BORA: variants seen among roughly 807,000 people sequenced by gnomAD.
BORA encodes the protein BORA aurora kinase A activator.
BORA carries 26 observed loss-of-function variants against 55.8 expected under a neutral mutation model. That is an observed-to-expected ratio of 0.47 (90% confidence interval 0.34 to 0.65). BORA has a LOEUF of 0.65. Among genes scored for constraint, BORA ranks in the 30% least tolerant of loss-of-function variants. BORA has a pLI of 0.01. For missense variants in BORA, 568 were observed against 671.5 expected (o/e 0.85, Z 1.70); for synonymous variants, 201 against 216.9 (o/e 0.93, Z 0.64).
intron 11 of BORA, 127 bp from the exon 12 acceptor site, chr13:72,755,024 A>G: frequency 7.1e-6 from 5 of 700,034 alleles, no homozygotes; most frequent in Non-Finnish European, 1.2e-5. Flanking sequence ...AAAATACTGT[A>G]TCTTTACTGT....
chr13:72,741,425 T>C (rs1268571229), intron 5 of BORA, among the ~76,000 whole-genome samples: 1 of 152,250 alleles, frequency 6.6e-6, no homozygotes, highest in African/African-American at 2.4e-5. Context: ...AATGTCTATT[T>C]GTAATTCATT....
At chr13:72,733,549 C>T (rs1011082873) in intron 3 of BORA, among the ~76,000 whole-genome samples, 2 of 152,214 alleles carry the variant, frequency 1.3e-5, no homozygotes, top group East Asian at 1.9e-4. Context: ...TCTTGAAGTC[C>T]CTCTGATGAA....
intron 8 of BORA, among the ~76,000 whole-genome samples, chr13:72,745,726 A>C (rs1309399043): frequency 6.6e-6 from 1 of 152,194 alleles, no homozygotes; most frequent in Non-Finnish European, 1.5e-5. Context: ...GGTTTGTTCA[A>C]ATACAATGTG....
intron 6 of BORA, 37 bp from the exon 7 acceptor site, chr13:72,744,468 C>T: frequency 6.4e-7 from 1 of 1,555,656 alleles, no homozygotes; most frequent in Non-Finnish European, 8.9e-7. Context: ...TGATTTATCC[C>T]ATGTTTGAAT....
chr13:72,741,243 C>G (rs1305315701), intron 5 of BORA, among the ~76,000 whole-genome samples: 1 of 152,224 alleles, frequency 6.6e-6, no homozygotes, highest in African/African-American at 2.4e-5. Context: ...TCTGCACAGT[C>G]TGCACAGCCC....
chr13:72,742,788 ACACACACAC>A (rs2033061877), intron 5 of BORA, among the ~76,000 whole-genome samples: 1 of 144,968 alleles, frequency 6.9e-6, no homozygotes, highest in East Asian at 1.9e-4. Flanking sequence ...ACACACACAC[ACACACACAC>A]ACACACACAC....
intron 10 of BORA, among the ~76,000 whole-genome samples, chr13:72,748,236 G>C (rs1330116728): frequency 6.6e-6 from 1 of 152,222 alleles, no homozygotes; most frequent in Non-Finnish European, 1.5e-5. Flanking sequence ...CTGAGGGTCA[G>C]AGAGGTTAAG....
Position 72,745,083 on chromosome 13 carries a change from C to T in BORA, c.614C>T (p.Ser205Phe). ...KLFLDGNGSI[S>F]DSLPSASPGS... is the part of the protein sequence containing the mutation. ...TTTTTAGATGGGAACGGAAGCATCTCCGACTCCTTACCTTCGGCTTCTCCC... is the reference window on the plus strand; with the variant it reads ...TTTTTAGATGGGAACGGAAGCATCTTCGACTCCTTACCTTCGGCTTCTCCC... Residue 205 changes from serine (S) to phenylalanine (F), a missense_variant, in exon 8 of 12, where the codon TCC becomes TTC. Transcript: ENST00000390667. 1 of 1,614,122 alleles carries T rather than the reference C, an allele frequency of 6.2e-7. No homozygotes were observed. Among genetic ancestry groups the T allele is most frequent in the Non-Finnish European group, 8.5e-7 (1 of 1,179,990 alleles).
At chr13:72,732,326 T>C (rs1566219242) in intron 3 of BORA, among the ~76,000 whole-genome samples, 1 of 152,104 alleles carries the variant, frequency 6.6e-6, no homozygotes, top group Non-Finnish European at 1.5e-5. Context: ...AGAGTGTTAA[T>C]AGGAAGGGAA....
Position 72,731,366 on chromosome 13 carries a change from C to G in BORA, c.239C>G (p.Ala80Gly). 6.2e-7 allele frequency: 1 copy of G among 1,609,418 alleles called. No homozygotes were observed. The highest frequency in any genetic ancestry group is 8.5e-7 in the Non-Finnish European group (1 of 1,176,454). ...GACCCAGAAGATATTCATCGTCAAG[C>G]TTTATACTTAAGTCATTCTCGGTAA... ...EIDPEDIHRQ[A>G]LYLSHSRIDK... The change falls in exon 3 of 12, where the codon GCT becomes GGT. Residue 80 changes from alanine (A) to glycine (G), a missense_variant. Transcript: ENST00000390667.
In BORA at chr13:72,738,001, G is replaced by C; in HGVS notation, c.346G>C (p.Asp116His). 6.2e-7 allele frequency: 1 copy of C among 1,601,370 alleles called. No homozygotes were observed. Among genetic ancestry groups the C allele is most frequent in the Non-Finnish European group, 8.5e-7 (1 of 1,172,102 alleles). The change falls in exon 5 of 12, where the codon GAT becomes CAT. Residue 116 changes from aspartate (D) to histidine (H), a missense_variant. Coordinates refer to ENST00000390667, the MANE Select transcript of BORA (RefSeq NM_024808.5). ...KDVIVPSPWT[D>H]HEGKQLSQCH... ...TGTCATCGTACCCTCTCCTTGGACT[G>C]ATCATGAAGGGAAACAGCTTTCACA...
chr13:72,752,600 A>T (rs1160444311), intron 10 of BORA: 1 of 152,230 alleles, frequency 6.6e-6, no homozygotes, highest in Non-Finnish European at 1.5e-5. Context: ...CTCTGGGAGC[A>T]ATCTGACATT....
chr13:72,735,598 G>GTTA (rs895518741), intron 4 of BORA, among the ~76,000 whole-genome samples: 4 of 151,794 alleles, frequency 2.6e-5, no homozygotes, highest in Non-Finnish European at 5.9e-5. Flanking sequence ...TCTAAATAAG[G>GTTA]TTATTATTAT....
At chr13:72,728,513 C>T (rs1043530150) in intron 1 of BORA, among the ~76,000 whole-genome samples, 2 of 151,932 alleles carry the variant, frequency 1.3e-5, no homozygotes, top group African/African-American at 4.8e-5. Context: ...ATAGGGTATC[C>T]GAAGAATGTT....
At chr13:72,739,342 C>G (rs1414888204) in intron 5 of BORA, among the ~76,000 whole-genome samples, 1 of 152,164 alleles carries the variant, frequency 6.6e-6, no homozygotes, top group Non-Finnish European at 1.5e-5. Context: ...ACTTTAGACT[C>G]TTTGAAATCT....
intron 3 of BORA, 37 bp downstream of exon 3, chr13:72,731,424 C>T (rs1462199635): frequency 5.8e-6 from 8 of 1,376,638 alleles, no homozygotes; most frequent in Non-Finnish European, 8.2e-6. Context: ...TCTAATAACA[C>T]TCTCAAGTGA....
chr13:72,738,184 G>T, intron 5 of BORA, 141 bp downstream of exon 5: 3 of 395,960 alleles, frequency 7.6e-6, no homozygotes, highest in East Asian at 5.3e-5. Flanking sequence ...CTCCTTTTAG[G>T]GTTAGAATTA....
intron 3 of BORA, among the ~76,000 whole-genome samples, chr13:72,733,494 A>G (rs576549180): frequency 6.6e-6 from 1 of 152,316 alleles, no homozygotes; most frequent in Non-Finnish European, 1.5e-5. Context: ...GTATTTGGCC[A>G]CAGTGATTTT....
chr13:72,739,660 G>T (rs1214314001), intron 5 of BORA, among the ~76,000 whole-genome samples: 5 of 152,122 alleles, frequency 3.3e-5, no homozygotes, highest in South Asian at 4.1e-4. Context: ...TAAGCTTGGG[G>T]TTCCTTAGCT....
Sources: gnomAD v4.1 joint callset for allele counts (sites outside exome capture counted in the v4.1 genomes callset) on GRCh38, gnomAD v4.1.1 for gene constraint, MANE v1.5 for transcripts, NCBI Gene and HGNC (gene_info 2026-07-23, HGNC 2026-07-21) for gene names.